The following RBFOX1 variants were observed in gnomAD, a reference collection of about 807,000 sequenced individuals.
The protein encoded by RBFOX1 is RNA binding protein fox-1 homolog 1.
Under a neutral mutation model 57.7 loss-of-function variants are expected in RBFOX1, and 8 were observed. The observed-to-expected ratio is 0.14, with a 90% CI of 0.08 to 0.25. The LOEUF is 0.25. RBFOX1 is among the 10% of genes least tolerant of loss of function. The pLI, the probability that RBFOX1 is intolerant of heterozygous loss-of-function variation, is 1.00. For missense variants in RBFOX1, 611 were observed against 548.5 expected (o/e 1.11, Z -1.14); for synonymous variants, 326 against 222.4 (o/e 1.47, Z -4.15).
At chr16:6,171,627 G>A (rs2096961422) in intron 1 of RBFOX1, among the ~76,000 whole-genome samples, 1 of 152,064 alleles carries the variant, frequency 6.6e-6, no homozygotes, top group African/African-American at 2.4e-5. Flanking sequence ...GGATTTTCAA[G>A]GGTTAAAAGT....
chr16:5,466,400 G>C (rs1285037873), intron 1 of RBFOX1, among the ~76,000 whole-genome samples: 1 of 152,112 alleles, frequency 6.6e-6, no homozygotes, highest in East Asian at 1.9e-4. Context: ...GGGAGGAGTT[G>C]GGTCCTGACC....
At chr16:6,978,673 G>A (rs985971182) in intron 3 of RBFOX1, among the ~76,000 whole-genome samples, 15 of 152,056 alleles carry the variant, frequency 9.9e-5, no homozygotes, top group African/African-American at 2.2e-4. Context: ...CTTTCTTACC[G>A]ACTTGGAAGC....
At chr16:7,181,400 G>A (rs763775120) in intron 4 of RBFOX1, among the ~76,000 whole-genome samples, 2 of 152,164 alleles carry the variant, frequency 1.3e-5, no homozygotes, top group Non-Finnish European at 2.9e-5. Flanking sequence ...AGTGGTAAGA[G>A]TTAATTAGGG....
intron 3 of RBFOX1, among the ~76,000 whole-genome samples, chr16:6,750,271 T>C (rs925945252): frequency 6.6e-6 from 1 of 152,216 alleles, no homozygotes; most frequent in Non-Finnish European, 1.5e-5. Context: ...TTAAGTCATT[T>C]GTATTGAATC....
intron 4 of RBFOX1, among the ~76,000 whole-genome samples, chr16:7,201,573 C>A (rs144154719): frequency 2.1e-3 from 312 of 152,140 alleles, no homozygotes; most frequent in African/African-American, 7.0e-3. Flanking sequence ...AACGATTTTC[C>A]TGCCTCAGCC....
intron 1 of RBFOX1, among the ~76,000 whole-genome samples, chr16:6,049,437 G>A (rs745730320): frequency 1.3e-5 from 2 of 152,238 alleles, no homozygotes; most frequent in South Asian, 2.1e-4. Flanking sequence ...TCAAGGTATT[G>A]CTAATCTTAC....
chr16:5,249,445 G>A (rs2151074367), intron 1 of RBFOX1, among the ~76,000 whole-genome samples: 1 of 152,334 alleles, frequency 6.6e-6, no homozygotes, highest in South Asian at 2.1e-4. Context: ...AGGTGTAGGT[G>A]CCTGGGAGGG....
intron 3 of RBFOX1, among the ~76,000 whole-genome samples, chr16:6,991,556 A>T (rs1180808484): frequency 6.6e-6 from 1 of 152,104 alleles, no homozygotes; most frequent in Non-Finnish European, 1.5e-5. Flanking sequence ...TGTTGTTTTG[A>T]GATGGGGTCC....
chr16:6,577,918 C>A (rs373859536), intron 2 of RBFOX1, among the ~76,000 whole-genome samples: 2 of 152,182 alleles, frequency 1.3e-5, no homozygotes, highest in South Asian at 4.1e-4. Context: ...CAATGTCATA[C>A]AAATGAGAAG....
chr16:6,210,361 C>CAAAAAAAAAAAAAAAAAAAA (rs3064933), intron 1 of RBFOX1, among the ~76,000 whole-genome samples: 3 of 61,460 alleles, frequency 4.9e-5, no homozygotes, highest in East Asian at 5.4e-4. Context: ...AAAAAAACAC[C>CAAAAAAAAAAAAAAAAAAAA]AAAAAAAAAA....
intron 3 of RBFOX1, among the ~76,000 whole-genome samples, chr16:5,643,874 G>T (rs577452501): frequency 2.6e-5 from 4 of 152,264 alleles, no homozygotes; most frequent in African/African-American, 9.6e-5. Flanking sequence ...CGCATAAACA[G>T]TATGAATAAA....
At chr16:6,781,620 A>G (rs2081037950) in intron 3 of RBFOX1, among the ~76,000 whole-genome samples, 1 of 152,066 alleles carries the variant, frequency 6.6e-6, no homozygotes. Context: ...TGATTTATCC[A>G]TGTTTACTAT....
chr16:7,220,488 C>G (rs1304167959), intron 4 of RBFOX1, among the ~76,000 whole-genome samples: 1 of 152,200 alleles, frequency 6.6e-6, no homozygotes, highest in African/African-American at 2.4e-5. Context: ...CCTCCCTAAG[C>G]AAGTTGCTGA....
chr16:6,884,083 T>A (rs938696706), intron 3 of RBFOX1, among the ~76,000 whole-genome samples: 1 of 152,176 alleles, frequency 6.6e-6, no homozygotes, highest in East Asian at 1.9e-4. Context: ...TGCTGTGTTA[T>A]GCAAGCACCT....
chr16:5,634,234 C>T (rs8053361), intron 3 of RBFOX1, among the ~76,000 whole-genome samples: 56,447 of 152,178 alleles, frequency 0.37, 15,155 homozygotes, highest in African/African-American at 0.76. Flanking sequence ...TGGTTCAGTA[C>T]TGGCAAAGCC....
At chr16:6,538,658 C>T (rs11642217) in intron 2 of RBFOX1, among the ~76,000 whole-genome samples, 68,224 of 152,076 alleles carry the variant, frequency 0.45, 15,919 homozygotes, top group Non-Finnish European at 0.52. Context: ...CAGAATGGCA[C>T]ACCTGCTGTA....
intron 3 of RBFOX1, among the ~76,000 whole-genome samples, chr16:6,733,930 G>C (rs1458316057): frequency 1.3e-5 from 2 of 152,168 alleles, no homozygotes; most frequent in Non-Finnish European, 2.9e-5. Context: ...TTCTTAGATA[G>C]TCTGAATAGC....
At chr16:7,650,111 AAGAAG>A (rs1346780519) in intron 11 of RBFOX1, among the ~76,000 whole-genome samples, 1 of 95,196 alleles carries the variant, frequency 1.1e-5, no homozygotes, top group African/African-American at 3.6e-5. Context: ...GAGCAAGTAT[AAGAAG>A]GAAGGAAGGA....
At chr16:5,697,017 A>T (rs528495403) in intron 3 of RBFOX1, among the ~76,000 whole-genome samples, 1 of 152,098 alleles carries the variant, frequency 6.6e-6, no homozygotes, top group African/African-American at 2.4e-5. Context: ...GATTGAAGCA[A>T]TTCTCATGCC....
Sources: gnomAD v4.1 joint callset for allele counts (sites outside exome capture counted in the v4.1 genomes callset) on GRCh38, gnomAD v4.1.1 for gene constraint, MANE v1.5 for transcripts, NCBI Gene and HGNC (gene_info 2026-07-23, HGNC 2026-07-21) for gene names.